Variants in PPP2R5D observed in about 807,000 individuals in gnomAD.
PPP2R5D encodes the protein serine/threonine-protein phosphatase 2A 56 kDa regulatory subunit delta isoform.
Under a neutral mutation model 79.1 loss-of-function variants are expected in PPP2R5D, and 12 were observed. That is an observed-to-expected ratio of 0.15 (90% CI 0.10 to 0.25). PPP2R5D has a LOEUF of 0.25. Ranked by LOEUF, PPP2R5D falls within the 10% of genes least tolerant of loss-of-function variation. The pLI is 1.00. For missense variants in PPP2R5D, 419 were observed against 760.2 expected (o/e 0.55, Z 5.28); for synonymous variants, 277 against 286.6 (o/e 0.97, Z 0.34).
At chr6:42,991,922 C>CTGT (rs1476097404) in intron 2 of PPP2R5D, among the ~76,000 whole-genome samples, 3 of 152,114 alleles carry the variant, frequency 2.0e-5, no homozygotes, top group Non-Finnish European at 4.4e-5. Context: ...GCTCAGGGTT[C>CTGT]ACAGGTATGA....
chr6:43,001,701 G>C (rs1772221113), intron 2 of PPP2R5D, among the ~76,000 whole-genome samples: 1 of 151,942 alleles, frequency 6.6e-6, no homozygotes, highest in South Asian at 2.1e-4. Context: ...TGGCTAACAT[G>C]GTGAAATTCC....
At chr6:43,005,187 A>C (rs1762004509) in intron 2 of PPP2R5D, among the ~76,000 whole-genome samples, 1 of 140,836 alleles carries the variant, frequency 7.1e-6, no homozygotes, top group African/African-American at 2.6e-5. Context: ...TGTCTCCTCC[A>C]AAGCTTTTTT....
intron 2 of PPP2R5D, among the ~76,000 whole-genome samples, chr6:43,002,804 A>G (rs545035324): frequency 2.4e-4 from 36 of 151,978 alleles, no homozygotes; most frequent in African/African-American, 7.7e-4. Flanking sequence ...AAGTTCTTCT[A>G]TTATTATGGT....
intron 2 of PPP2R5D, among the ~76,000 whole-genome samples, chr6:43,003,744 ATTTAT>A (rs1165727254): frequency 7.3e-5 from 11 of 151,584 alleles, no homozygotes; most frequent in African/African-American, 2.7e-4. Flanking sequence ...GTATGTATTT[ATTTAT>A]TTTTTGAGAC....
rs1762068938 is a variant in PPP2R5D, at chr6:43,006,232, T to C, written c.106-231T>C. ...GAACTGGAATGAACGTTTTAAAGGC[T>C]CTTGATGCACAAGCAGTGGGCATCT... On this transcript the variant is annotated intron_variant, in intron 2 of 15. Coordinates refer to ENST00000485511, the MANE Select transcript of PPP2R5D (RefSeq NM_006245.4). The surrounding 1 kb of genome is among the most constrained non-coding windows in gnomAD (Gnocchi z 4.7). 1.3e-5 allele frequency among the ~76,000 whole-genome samples: 2 copies of C among 152,180 alleles called. No homozygotes were observed. Among genetic ancestry groups the C allele is most frequent in the Non-Finnish European group, 2.9e-5 (2 of 68,026 alleles).
chr6:43,007,534 C>T lies in PPP2R5D; in HGVS notation c.726+28C>T, dbSNP rs754584347. ...GAGTCCCCGAGTTCCTGTCCTTGCC[C>T]TCTCTTTCCATTCCATGCCCCCTTC... On this transcript the variant is annotated intron_variant, in intron 6 of 15. Coordinates refer to ENST00000485511, the MANE Select transcript of PPP2R5D (RefSeq NM_006245.4). The surrounding 1 kb of genome is among the most constrained non-coding windows in gnomAD (Gnocchi z 4.5). 1.9e-6 allele frequency: 3 copies of T among 1,552,336 alleles called. No homozygotes were observed. Among genetic ancestry groups the T allele is most frequent in the Non-Finnish European group, 2.7e-6 (3 of 1,123,858 alleles).
intron 2 of PPP2R5D, among the ~76,000 whole-genome samples, chr6:42,994,580 G>A (rs1282142182): frequency 3.9e-5 from 6 of 151,996 alleles, no homozygotes; most frequent in African/African-American, 4.8e-5. Context: ...CGAGGCGGGC[G>A]GATCACCTGA....
chr6:42,995,126 C>CTTTTTTTTTTTTTTTTTTTTTTTTTTT (rs889250251), intron 2 of PPP2R5D, among the ~76,000 whole-genome samples: 30 of 106,350 alleles, frequency 2.8e-4, no homozygotes, highest in African/African-American at 1.1e-3. Context: ...CTTTTTCTTT[C>CTTTTTTTTTTTTTTTTTTTTTTTTTTT]TTTTTTTTTT....
chr6:43,001,885 CA>C (rs564567354), intron 2 of PPP2R5D, among the ~76,000 whole-genome samples: 150 of 80,464 alleles, frequency 1.9e-3, no homozygotes, highest in Admixed American at 2.7e-3. Flanking sequence ...GACTCTGTCT[CA>C]AAAAAAAAAA....
At chr6:42,991,417 C>G (rs1371652730) in intron 2 of PPP2R5D, among the ~76,000 whole-genome samples, 1 of 152,220 alleles carries the variant, frequency 6.6e-6, no homozygotes, top group Non-Finnish European at 1.5e-5. Context: ...TTCCTTAAAG[C>G]AGCCTTCTTT....
At chr6:43,005,570 T>C (rs1213923316) in intron 2 of PPP2R5D, among the ~76,000 whole-genome samples, 2 of 152,124 alleles carry the variant, frequency 1.3e-5, no homozygotes, top group East Asian at 3.9e-4. Context: ...CTTCCCAAAG[T>C]GTTGGGATTA....
chr6:43,008,843 G>T lies in PPP2R5D; in HGVS notation c.1080+97G>T. 1 of 1,397,918 alleles carries T rather than the reference G, an allele frequency of 7.2e-7. No homozygotes were observed. 86.6% of individuals were successfully genotyped at this position (1,397,918 alleles called of 1,614,324 possible). On this transcript the variant is annotated intron_variant, in intron 10 of 15. Coordinates refer to ENST00000485511, the MANE Select transcript of PPP2R5D (RefSeq NM_006245.4). The surrounding 1 kb of genome is among the most constrained non-coding windows in gnomAD (Gnocchi z 4.2). ...GGTGCCATAAGGGGGAACTCAGGAG[G>T]GCTGTGACCTGACCGGTAACATGGT...
In PPP2R5D at chr6:43,008,299, T is replaced by C; in HGVS notation, c.917+39T>C. On this transcript the variant is annotated intron_variant, in intron 8 of 15. Coordinates refer to ENST00000485511, the MANE Select transcript of PPP2R5D (RefSeq NM_006245.4). This position sits in a 1 kb window ranked among gnomAD's most constrained non-coding sequence, Gnocchi z 4.2. Reference sequence around the variant, plus strand: ...TGGGGGCACAGATGCCTGAAAAAGGTTGGCAGGATTGGTGTACTGAACTTG... The same window carrying C: ...TGGGGGCACAGATGCCTGAAAAAGGCTGGCAGGATTGGTGTACTGAACTTG... The C allele has an allele frequency of 6.2e-7, 1 of 1,613,770 alleles. No individual in the cohort carries two copies. Among genetic ancestry groups the C allele is most frequent in the Non-Finnish European group, 8.5e-7 (1 of 1,179,734 alleles).
intron 2 of PPP2R5D, among the ~76,000 whole-genome samples, chr6:43,000,576 CT>C (rs912671001): frequency 5.3e-5 from 8 of 152,154 alleles, no homozygotes; most frequent in Non-Finnish European, 1.0e-4. Context: ...TGAGGCCTTC[CT>C]TTTCCCTTTC....
chr6:42,989,910 A>G (rs541748632), intron 2 of PPP2R5D, among the ~76,000 whole-genome samples: 2 of 152,334 alleles, frequency 1.3e-5, no homozygotes, highest in South Asian at 2.1e-4. Flanking sequence ...AGAGATTCCT[A>G]TGAAAGTTGT....
chr6:43,011,371 G>A lies in PPP2R5D; in HGVS notation c.*85G>A. The A allele has an allele frequency of 6.4e-7, 1 of 1,555,768 alleles. No homozygotes were observed. The highest frequency in any genetic ancestry group is 8.7e-7 in the Non-Finnish European group (1 of 1,144,966). The stretch of plus-strand genomic sequence containing the variant: ...CTCCATACTCTGCTCCCTACTGGCT[G>A]TCTTGGGGGAAGGCAGCGCCTCTCT... On this transcript the variant is annotated 3_prime_UTR_variant, in exon 16 of 16. Transcript: ENST00000485511.
intron 2 of PPP2R5D, among the ~76,000 whole-genome samples, chr6:42,991,121 C>T (rs1459361115): frequency 6.6e-6 from 1 of 152,182 alleles, no homozygotes; most frequent in Non-Finnish European, 1.5e-5. Context: ...AGGGAAGGAG[C>T]TATGTTATTC....
At chr6:42,995,631 C>T (rs1771602207) in intron 2 of PPP2R5D, among the ~76,000 whole-genome samples, 2 of 151,706 alleles carry the variant, frequency 1.3e-5, no homozygotes, top group Non-Finnish European at 2.9e-5. Flanking sequence ...CAGCTCACTG[C>T]AACCCCTGCC....
chr6:42,984,590 A>G lies in PPP2R5D; in HGVS notation c.-88A>G. On this transcript the variant is annotated 5_prime_UTR_variant, in exon 1 of 16. Transcript: ENST00000485511. ...CGGGCGCAGCGCGCAGGCGGTGGCG[A>G]AGAGACGCCGAGCGGGCCGAGTGCG... The G allele has an allele frequency of 2.0e-6, 3 of 1,493,318 alleles. No homozygotes were observed. The highest frequency in any genetic ancestry group is 1.5e-5 in the African/African-American group (1 of 68,864). The allele number at this position is 1,493,318 out of a possible 1,614,324, so 92.5% of individuals were successfully genotyped here.
Sources: allele counts gnomAD v4.1 joint callset (sites outside exome capture counted in the v4.1 genomes callset), GRCh38; gene constraint gnomAD v4.1.1; non-coding constraint Gnocchi (gnomAD v3.1); transcripts MANE v1.5; gene names NCBI Gene and HGNC (gene_info 2026-07-23, HGNC 2026-07-21).